The following GAS2L3 variants were observed in gnomAD, a reference collection of about 807,000 sequenced individuals.
GAS2L3 encodes the protein growth arrest specific 2 like 3.
In GAS2L3, 28 loss-of-function variants were observed where a neutral mutation model predicts 37.0. The ratio of observed to expected loss-of-function variants is 0.76; its 90% CI spans 0.56 to 1.04. The LOEUF (loss-of-function observed/expected upper bound fraction) is 1.04, where lower values mean the gene tolerates loss of function less well. Ranked by LOEUF, GAS2L3 falls within the 50% of genes least tolerant of loss-of-function variation. The pLI, the probability that GAS2L3 is intolerant of heterozygous loss-of-function variation, is 0.00. For synonymous variants in GAS2L3, 290 were observed against 296.6 expected (o/e 0.98, Z 0.23); for missense variants, 793 against 817.6 (o/e 0.97, Z 0.37).
At chr12:100,587,119 T>C (rs1005091731) in intron 1 of GAS2L3, among the ~76,000 whole-genome samples, 1 of 152,138 alleles carries the variant, frequency 6.6e-6, no homozygotes, top group Non-Finnish European at 1.5e-5. Flanking sequence ...CAGGACAAGA[T>C]AGATTCACAA....
chr12:100,579,763 C>T lies in GAS2L3; in HGVS notation c.-152+5978C>T, dbSNP rs117988072. On this transcript the variant is annotated intron_variant, in intron 1 of 9. Coordinates refer to ENST00000547754, the MANE Select transcript of GAS2L3 (RefSeq NM_174942.3). ...GTTGGTGGAATTCCTGAGGTGCTTC[C>T]GGAAAATCTTACTATTTTATGAGAA... The T allele has an allele frequency of 2.4e-3, 1,731 of 719,734 alleles. 11 individuals carry two copies. Among genetic ancestry groups the T allele is most frequent in the East Asian group, 0.021 (871 of 40,800 alleles). The allele number at this position is 719,734 out of a possible 1,614,324, so 44.6% of individuals were successfully genotyped here. A position where few individuals can be genotyped will look rare whatever the true frequency, so the allele number is the denominator to read the frequency against.
rs554006332 is a variant in GAS2L3 at position 100,627,051 on chromosome 12, T to G, written c.*2161T>G. Among the ~76,000 whole-genome samples the G allele has an allele frequency of 2.2e-3, 319 of 144,366 alleles. 3 individuals are homozygous for G. Among genetic ancestry groups the G allele is most frequent in the South Asian group, 0.019 (87 of 4,554 alleles). 94.7% of individuals were successfully genotyped at this position (144,366 alleles called of 152,430 possible). A position where few individuals can be genotyped will look rare whatever the true frequency, so the allele number is the denominator to read the frequency against. The stretch of plus-strand genomic sequence containing the variant: ...TTGCAGTGAGCCAAGATTGCGCCAC[T>G]GCACTCCAGCCTGGGCAACAGAGTG... On this transcript the variant is annotated 3_prime_UTR_variant, in exon 10 of 10. Coordinates refer to ENST00000547754, the MANE Select transcript of GAS2L3 (RefSeq NM_174942.3).
rs1956334296 is a variant in GAS2L3 at position 100,626,575 on chromosome 12, G to T, written c.*1685G>T. The T allele has an allele frequency of 1.3e-5, 2 of 152,178 alleles. No individual in the cohort carries two copies. The highest frequency in any genetic ancestry group is 3.9e-4 in the East Asian group (2 of 5,194). 9.4% of individuals were successfully genotyped at this position (152,178 alleles called of 1,614,324 possible). A position where few individuals can be genotyped will look rare whatever the true frequency, so the allele number is the denominator to read the frequency against. Reference sequence around the variant, plus strand: ...TTTAGTGCATCTTTTCAGACAGGAAGAATTTTATCATCAAGTATTCCCTTA... The same window carrying T: ...TTTAGTGCATCTTTTCAGACAGGAATAATTTTATCATCAAGTATTCCCTTA... On this transcript the variant is annotated 3_prime_UTR_variant, in exon 10 of 10. Coordinates refer to ENST00000547754, the MANE Select transcript of GAS2L3 (RefSeq NM_174942.3).
At chr12:100,600,354 T>A (rs781192079) in intron 3 of GAS2L3, 28 bp from the exon 4 acceptor site, 9 of 1,466,666 alleles carry the variant, frequency 6.1e-6, no homozygotes, top group Non-Finnish European at 3.7e-6. Flanking sequence ...TTTTATTCAT[T>A]CAGTTGATTG....
intron 3 of GAS2L3, among the ~76,000 whole-genome samples, chr12:100,597,491 A>T (rs1345446311): frequency 6.6e-6 from 1 of 152,138 alleles, no homozygotes; most frequent in Non-Finnish European, 1.5e-5. Context: ...AATAAATAAC[A>T]TCATTTTCCT....
chr12:100,604,820 A>G (rs1956036836), intron 5 of GAS2L3, among the ~76,000 whole-genome samples: 1 of 152,018 alleles, frequency 6.6e-6, no homozygotes, highest in South Asian at 2.1e-4. Context: ...TTTAAATTTT[A>G]TCAAATGCTT....
Position 100,612,075 on chromosome 12 carries a change from A to G in GAS2L3, c.379A>G (p.Asn127Asp). Residue 127 changes from asparagine to aspartate, a missense_variant, in exon 6 of 10, where the codon AAC (asparagine) becomes GAC (aspartate). Transcript: ENST00000547754. ...ATTCTTTGCTCGGGACAATACCGCA[A>G]ACTTCCTTCACTGGTGTAGGGACAT... ...GSFFARDNTA[N>D]FLHWCRDIGV... 1 of 1,612,294 alleles carries G rather than the reference A, an allele frequency of 6.2e-7. No individual in the cohort carries two copies. Among genetic ancestry groups the G allele is most frequent in the Non-Finnish European group, 8.5e-7 (1 of 1,178,352 alleles).
At chr12:100,615,173 C>G (rs939520575) in intron 6 of GAS2L3, among the ~76,000 whole-genome samples, 5 of 152,052 alleles carry the variant, frequency 3.3e-5, no homozygotes, top group Admixed American at 2.6e-4. Context: ...TACTTATTTG[C>G]CTGTTTTTGT....
chr12:100,585,880 A>G (rs1192462146), intron 1 of GAS2L3, among the ~76,000 whole-genome samples: 1 of 152,062 alleles, frequency 6.6e-6, no homozygotes, highest in Non-Finnish European at 1.5e-5. Context: ...CATTTCTTAT[A>G]CAGTGTTTCT....
In GAS2L3 at chr12:100,624,970, T is replaced by A; in HGVS notation, c.*80T>A. Reference sequence around the variant, plus strand: ...ATCTTAAAAGTTTCTCCTATTTGTGTCTGTCTAAATAGGTGCAGACACTAA... The same window carrying A: ...ATCTTAAAAGTTTCTCCTATTTGTGACTGTCTAAATAGGTGCAGACACTAA... On this transcript the variant is annotated 3_prime_UTR_variant, in exon 10 of 10. Coordinates refer to ENST00000547754, the MANE Select transcript of GAS2L3 (RefSeq NM_174942.3). The A allele has an allele frequency of 9.0e-7, 1 of 1,112,762 alleles. No homozygotes were observed. Among genetic ancestry groups the A allele is most frequent in the Non-Finnish European group, 1.3e-6 (1 of 773,852 alleles). The allele number at this position is 1,112,762 out of a possible 1,614,324, so 68.9% of individuals were successfully genotyped here.
At chr12:100,613,811 G>T (rs1956155725) in intron 6 of GAS2L3, among the ~76,000 whole-genome samples, 2 of 151,894 alleles carry the variant, frequency 1.3e-5, no homozygotes, top group Admixed American at 6.6e-5. Flanking sequence ...AGCCAGGGTG[G>T]TCTCAATCTC....
At position 100,627,186 on chromosome 12, in the gene GAS2L3, A is replaced by T. The variant is rs1388322767; in HGVS notation, c.*2296A>T. On this transcript the variant is annotated 3_prime_UTR_variant, in exon 10 of 10. Coordinates refer to ENST00000547754, the MANE Select transcript of GAS2L3 (RefSeq NM_174942.3). ...TTTTTCAGCAGTAGGGAATTTCTCC[A>T]ATTACATTCATGTTGAATGAATTTT... Among the ~76,000 whole-genome samples, 2 of 152,182 alleles carry T rather than the reference A, an allele frequency of 1.3e-5. No individual in the cohort carries two copies. The highest frequency in any genetic ancestry group is 4.8e-5 in the African/African-American group (2 of 41,444).
At chr12:100,575,575 G>A (rs905829096) in intron 1 of GAS2L3, among the ~76,000 whole-genome samples, 11 of 138,348 alleles carry the variant, frequency 8.0e-5, no homozygotes, top group African/African-American at 3.0e-4. Flanking sequence ...TCTGCCTCCC[G>A]GGTTCAAGCG....
chr12:100,579,562 T>G, intron 1 of GAS2L3: 2 of 773,642 alleles, frequency 2.6e-6, no homozygotes. Flanking sequence ...TTGCAAGAAG[T>G]TCCGGAAAGA....
intron 5 of GAS2L3, among the ~76,000 whole-genome samples, chr12:100,611,707 G>A (rs552342641): frequency 6.6e-6 from 1 of 152,006 alleles, no homozygotes; most frequent in African/African-American, 2.4e-5. Flanking sequence ...TGATGCCATC[G>A]CTGATCTGAC....
intron 8 of GAS2L3, 87 bp downstream of exon 8, chr12:100,618,674 T>C: frequency 8.4e-7 from 1 of 1,184,540 alleles, no homozygotes; most frequent in Non-Finnish European, 1.2e-6. Flanking sequence ...GGTGATGCTA[T>C]TTTTAAAAGC....
chr12:100,580,702 T>C (rs1955700322), intron 1 of GAS2L3, among the ~76,000 whole-genome samples: 1 of 152,238 alleles, frequency 6.6e-6, no homozygotes, highest in African/African-American at 2.4e-5. Context: ...TTAGGTTCAC[T>C]CAGTAGGTGT....
chr12:100,609,611 T>C (rs1445252188), intron 5 of GAS2L3, among the ~76,000 whole-genome samples: 1 of 152,234 alleles, frequency 6.6e-6, no homozygotes, highest in African/African-American at 2.4e-5. Context: ...AGCTCAGCAC[T>C]GGGCTTGCCT....
chr12:100,622,543 C>T (rs541102266), intron 9 of GAS2L3, among the ~76,000 whole-genome samples, 161 bp downstream of exon 9: 67 of 141,106 alleles, frequency 4.7e-4, no homozygotes, highest in Non-Finnish European at 9.5e-4. Flanking sequence ...TAATTTCTTT[C>T]ATGAGTATAT....
Sources: gnomAD v4.1 joint callset for allele counts (sites outside exome capture counted in the v4.1 genomes callset) on GRCh38, gnomAD v4.1.1 for gene constraint, MANE v1.5 for transcripts, NCBI Gene and HGNC (gene_info 2026-07-23, HGNC 2026-07-21) for gene names.